TENM2: variants seen among roughly 807,000 people sequenced by gnomAD.
The protein encoded by TENM2 is teneurin transmembrane protein 2.
Under a neutral mutation model 245.2 loss-of-function variants are expected in TENM2, and 52 were observed. The ratio of observed to expected loss-of-function variants is 0.21; its 90% CI spans 0.17 to 0.27. The LOEUF (loss-of-function observed/expected upper bound fraction) is 0.27. Among genes scored for constraint, TENM2 ranks in the 10% least tolerant of loss-of-function variants. TENM2 has a pLI of 1.00. For missense variants in TENM2, 3,046 were observed against 3,666.8 expected, an observed-to-expected ratio of 0.83 and a Z score of 4.37; for synonymous variants, 1,363 against 1,438.9, an observed-to-expected ratio of 0.95 and a Z score of 1.19.
At chr5:167,542,865 C>T (rs1221786631) in intron 2 of TENM2, among the ~76,000 whole-genome samples, 3 of 152,046 alleles carry the variant, frequency 2.0e-5, no homozygotes, top group Non-Finnish European at 4.4e-5. Context: ...TGCTTTGGAC[C>T]AAACCACCCC....
At chr5:167,991,398 C>T (rs1037129941) in intron 4 of TENM2, among the ~76,000 whole-genome samples, 3 of 152,178 alleles carry the variant, frequency 2.0e-5, no homozygotes, top group East Asian at 1.9e-4. Context: ...AGTCCATGGC[C>T]TCCAGCTGCT....
intron 13 of TENM2, among the ~76,000 whole-genome samples, chr5:168,170,565 G>A (rs910583103): frequency 6.7e-6 from 1 of 150,046 alleles, no homozygotes; most frequent in Non-Finnish European, 1.5e-5. Context: ...AAGGAAGGAA[G>A]GAAGAAGGAA....
chr5:167,777,928 A>G (rs1036786189), intron 2 of TENM2, among the ~76,000 whole-genome samples: 7 of 152,208 alleles, frequency 4.6e-5, no homozygotes, highest in African/African-American at 1.4e-4. Flanking sequence ...TGAGCCATCT[A>G]ACCACCAGTT....
chr5:167,443,129 T>C (rs146187774), intron 2 of TENM2, among the ~76,000 whole-genome samples: 140 of 152,304 alleles, frequency 9.2e-4, no homozygotes, highest in Middle Eastern at 3.4e-3. Context: ...TATTATTCTG[T>C]GAAAGTCTTC....
At chr5:167,460,760 A>C (rs1766247175) in intron 2 of TENM2, among the ~76,000 whole-genome samples, 1 of 152,204 alleles carries the variant, frequency 6.6e-6, no homozygotes, top group South Asian at 2.1e-4. Context: ...TGCTTTAAAA[A>C]ATCAACTGAA....
chr5:167,998,506 G>T (rs1489464453), intron 5 of TENM2, among the ~76,000 whole-genome samples: 1 of 152,130 alleles, frequency 6.6e-6, no homozygotes, highest in Non-Finnish European at 1.5e-5. Flanking sequence ...CAAGAGTTCG[G>T]CATGACATGG....
chr5:167,494,953 T>C (rs1768708868), intron 2 of TENM2, among the ~76,000 whole-genome samples: 1 of 152,100 alleles, frequency 6.6e-6, no homozygotes, highest in African/African-American at 2.4e-5. Context: ...ATTTATGAAC[T>C]GTAGTTAGAT....
chr5:167,528,477 A>G (rs1418311109), intron 2 of TENM2, among the ~76,000 whole-genome samples: 1 of 152,128 alleles, frequency 6.6e-6, no homozygotes, highest in Non-Finnish European at 1.5e-5. Context: ...TTTCATCTTT[A>G]AACTTGACAT....
intron 2 of TENM2, among the ~76,000 whole-genome samples, chr5:167,448,896 G>T (rs1230879646): frequency 6.6e-6 from 1 of 151,934 alleles, no homozygotes; most frequent in East Asian, 1.9e-4. Flanking sequence ...AAGAAGCGGG[G>T]CAATGCAAAA....
In TENM2 at chr5:167,375,489, A is replaced by G. The variant is rs138314372; in HGVS notation, c.502+16A>G. 422 of 1,551,006 alleles carry G rather than the reference A, an allele frequency of 2.7e-4. 1 individual carries two copies. The African/African-American group carries it at 5.6e-3, about 20-fold the overall frequency. ...GATGAGAACGGTAGGCCTGCTTCTT[A>G]AATACCTTTTAACGTTCTGTGCACT... On this transcript the variant is annotated intron_variant, in intron 2 of 28. Coordinates refer to ENST00000518659, the Ensembl canonical transcript of TENM2.
At chr5:167,278,394 A>G in the TENM2 span, among the ~76,000 whole-genome samples, 4 of 152,108 alleles carry the variant, frequency 2.6e-5, no homozygotes, top group Non-Finnish European at 4.4e-5. Context: ...TCTTTTAATC[A>G]ATATATTAAG....
the TENM2 span, among the ~76,000 whole-genome samples, chr5:167,015,381 A>G: frequency 6.6e-6 from 1 of 152,152 alleles, no homozygotes; most frequent in Non-Finnish European, 1.5e-5. Context: ...TTGCCTAATG[A>G]TATTTTAGCC....
At chr5:168,155,892 T>TAAAAAA (rs55977607) in intron 12 of TENM2, among the ~76,000 whole-genome samples, 143 of 96,920 alleles carry the variant, frequency 1.5e-3, no homozygotes, top group African/African-American at 4.4e-3. Flanking sequence ...CTGGCATCTG[T>TAAAAAA]AAAAAAAAAA....
the TENM2 span, among the ~76,000 whole-genome samples, chr5:167,029,363 A>G: frequency 5.9e-5 from 9 of 152,186 alleles, no homozygotes; most frequent in Non-Finnish European, 8.8e-5. Context: ...AAAGACAACT[A>G]AAAATTTTCG....
At position 168,166,879 on chromosome 5, in the gene TENM2, A is replaced by G. The variant is rs142389270; in HGVS notation, c.2569+4122A>G. Among the ~76,000 whole-genome samples the G allele has an allele frequency of 5.9e-5, 9 of 152,250 alleles. No individual in the cohort carries two copies. In the East Asian group the frequency reaches 1.7e-3, roughly 29 times the overall value. ...TAGAATATCCCCACCAAAACAGTTT[A>G]TGCCAACTCCCTGCCTTCTCACCCC... On this transcript the variant is annotated intron_variant, in intron 13 of 28. Coordinates refer to ENST00000518659, the Ensembl canonical transcript of TENM2.
At position 167,431,183 on chromosome 5, in the gene TENM2, C is replaced by G. The variant is rs999458140; in HGVS notation, c.502+55710C>G. Among the ~76,000 whole-genome samples the G allele has an allele frequency of 5.3e-5, 8 of 152,176 alleles. No homozygotes were observed. In the East Asian group the frequency reaches 1.5e-3, roughly 29 times the overall value. ...AGGGCATAACATTTAGATTTTAGGT[C>G]ATTAAGACAATTATCAATTTCTTTT... On this transcript the variant is annotated intron_variant, in intron 2 of 28. Transcript: ENST00000518659.
chr5:168,253,181 A>G (rs562454758), intron 27 of TENM2, among the ~76,000 whole-genome samples: 26 of 152,054 alleles, frequency 1.7e-4, no homozygotes, highest in Non-Finnish European at 3.4e-4. Flanking sequence ...GTTAGCCAGG[A>G]TGTTCTCAAT....
the TENM2 span, among the ~76,000 whole-genome samples, chr5:167,136,548 GA>G: frequency 6.6e-6 from 1 of 152,256 alleles, no homozygotes; most frequent in South Asian, 2.1e-4. Context: ...TTTCTTTCCA[GA>G]CCAGCCTTTG....
chr5:168,195,291 G>A, exon 15 of TENM2: 1 of 1,585,668 alleles, frequency 6.3e-7, no homozygotes, highest in Non-Finnish European at 8.6e-7. Flanking sequence ...CCGCCAGGAT[G>A]GCACGTGAGT....
Sources: gnomAD v4.1 joint callset for allele counts (sites outside exome capture counted in the v4.1 genomes callset) on GRCh38, gnomAD v4.1.1 for gene constraint, MANE v1.5 for transcripts, NCBI Gene and HGNC (gene_info 2026-07-23, HGNC 2026-07-21) for gene names.